AUTS2: variants seen among roughly 807,000 people sequenced by gnomAD.
AUTS2 encodes the protein activator of transcription and developmental regulator AUTS2, also known as autism susceptibility gene 2 protein.
Under a neutral mutation model 112.4 loss-of-function variants are expected in AUTS2, and 17 were observed. The ratio of observed to expected loss-of-function variants is 0.15; its 90% CI spans 0.10 to 0.23. AUTS2 has a LOEUF of 0.23. Among genes scored for constraint, AUTS2 ranks in the 10% least tolerant of loss-of-function variants. The pLI, the probability that AUTS2 is intolerant of heterozygous loss-of-function variation, is 1.00. For synonymous variants in AUTS2, 751 were observed against 702.7 expected (o/e 1.07, Z -1.09); for missense variants, 1,510 against 1,701.6 (o/e 0.89, Z 1.98).
intron 5 of AUTS2, among the ~76,000 whole-genome samples, chr7:70,594,903 A>ACCAG (rs1229886734): frequency 1.3e-5 from 2 of 152,180 alleles, no homozygotes; most frequent in African/African-American, 4.8e-5. Context: ...GGAGTTCAAG[A>ACCAG]CCAGCCTGAC....
chr7:70,719,027 G>C (rs907836713), intron 6 of AUTS2, among the ~76,000 whole-genome samples: 2 of 152,146 alleles, frequency 1.3e-5, no homozygotes, highest in African/African-American at 4.8e-5. Flanking sequence ...TGATGATACT[G>C]CCATTTATTG....
In AUTS2 at chr7:70,787,324, C is replaced by A; in HGVS notation, c.2424C>A (p.Pro808=). ...CTCCGTCGTTCCCGACCCCTCCGCC[C>A]TGGCTGAAGCCAGGGGAGCTGGAGC... The part of the protein sequence containing the change: ...RTPPSFPTPP[P]WLKPGELERS... The change falls in exon 18 of 19, where the codon CCC becomes CCA. Residue 808 remains proline, a synonymous_variant. Coordinates refer to ENST00000342771, the MANE Select transcript of AUTS2 (RefSeq NM_015570.4). 6.2e-7 allele frequency: 1 copy of A among 1,614,180 alleles called. No individual in the cohort carries two copies. The highest frequency in any genetic ancestry group is 8.5e-7 in the Non-Finnish European group (1 of 1,179,982).
intron 2 of AUTS2, among the ~76,000 whole-genome samples, chr7:70,056,102 C>G (rs538762909): frequency 6.6e-6 from 1 of 152,244 alleles, no homozygotes; most frequent in Admixed American, 6.5e-5. Context: ...ATTCTCCTGC[C>G]TCAGCCTCCC....
rs568051685 is a variant in AUTS2 at position 70,494,959 on chromosome 7, T to G, written c.690+59178T>G. On this transcript the variant is annotated intron_variant, in intron 5 of 18. Coordinates refer to ENST00000342771, the MANE Select transcript of AUTS2 (RefSeq NM_015570.4). ...TGTTGGCCTGTTTCCATGGTGACAC[T>G]GAAGAAAAGTAATTTTTTAAAGGAG... is the stretch of plus-strand genomic sequence containing the variant. 3.1e-4 allele frequency among the ~76,000 whole-genome samples: 47 copies of G among 152,294 alleles called. 2 individuals are homozygous for G. In the South Asian group the frequency reaches 7.5e-3, roughly 24 times the overall value.
chr7:70,087,797 T>G (rs1429924700), intron 2 of AUTS2, among the ~76,000 whole-genome samples: 3 of 152,216 alleles, frequency 2.0e-5, no homozygotes, highest in African/African-American at 7.2e-5. Context: ...TATATTATTG[T>G]TTCCTTAAAT....
rs1165347303 is a variant in AUTS2, at chr7:70,257,646, C to T, written c.660+123075C>T. On this transcript the variant is annotated intron_variant, in intron 4 of 18. Coordinates refer to ENST00000342771, the MANE Select transcript of AUTS2 (RefSeq NM_015570.4). Reference sequence around the variant, plus strand: ...AGTTTTTTTTTTTTTTTTGTAGAGACGGGGCCTCACTGTGTTACCCAGGCT... The same window carrying T: ...AGTTTTTTTTTTTTTTTTGTAGAGATGGGGCCTCACTGTGTTACCCAGGCT... Among the ~76,000 whole-genome samples, 6 of 143,126 alleles carry T rather than the reference C, an allele frequency of 4.2e-5. No homozygotes were observed. The East Asian group carries it at 1.0e-3, about 25-fold the overall frequency. The allele number at this position is 143,126 out of a possible 152,430, so 93.9% of individuals were successfully genotyped here.
chr7:70,233,408 G>A (rs1812160534), intron 4 of AUTS2, among the ~76,000 whole-genome samples: 1 of 152,162 alleles, frequency 6.6e-6, no homozygotes, highest in Non-Finnish European at 1.5e-5. Flanking sequence ...TATCTATACT[G>A]TGGTTTTTCT....
intron 5 of AUTS2, among the ~76,000 whole-genome samples, chr7:70,676,802 A>T (rs1223493806): frequency 1.3e-5 from 2 of 151,854 alleles, no homozygotes; most frequent in Non-Finnish European, 2.9e-5. Flanking sequence ...ACTTGAACCC[A>T]GGAGGTGGAG....
At chr7:70,706,793 A>G (rs1809762283) in intron 6 of AUTS2, among the ~76,000 whole-genome samples, 1 of 152,222 alleles carries the variant, frequency 6.6e-6, no homozygotes, top group Non-Finnish European at 1.5e-5. Flanking sequence ...AGTGATTTGC[A>G]AAGAATAATT....
At chr7:69,748,681 G>A (rs1243734751) in intron 1 of AUTS2, among the ~76,000 whole-genome samples, 3 of 152,106 alleles carry the variant, frequency 2.0e-5, no homozygotes, top group African/African-American at 7.2e-5. Context: ...TATGACAGTT[G>A]GGCTAAACAG....
intron 1 of AUTS2, among the ~76,000 whole-genome samples, chr7:69,614,674 G>A (rs1286571606): frequency 6.6e-6 from 1 of 151,864 alleles, no homozygotes; most frequent in Non-Finnish European, 1.5e-5. Flanking sequence ...GGTAGAAATG[G>A]GGTCTTGCAA....
chr7:69,840,952 G>C (rs1791952470), intron 1 of AUTS2, among the ~76,000 whole-genome samples: 1 of 152,156 alleles, frequency 6.6e-6, no homozygotes, highest in South Asian at 2.1e-4. Flanking sequence ...GCATGTTGGG[G>C]AACAGAATAA....
At chr7:70,498,017 A>G (rs892092522) in intron 5 of AUTS2, among the ~76,000 whole-genome samples, 1 of 152,236 alleles carries the variant, frequency 6.6e-6, no homozygotes, top group African/African-American at 2.4e-5. Context: ...TCAGATGGTG[A>G]TTAGTGCCAA....
intron 4 of AUTS2, among the ~76,000 whole-genome samples, chr7:70,194,083 G>T (rs749512798): frequency 1.3e-5 from 2 of 152,150 alleles, no homozygotes; most frequent in South Asian, 2.1e-4. Flanking sequence ...AAAGTGCTGC[G>T]TGTTAGTTTA....
chr7:70,100,917 C>T (rs935004989), intron 2 of AUTS2, among the ~76,000 whole-genome samples: 6 of 151,864 alleles, frequency 4.0e-5, no homozygotes, highest in South Asian at 2.1e-4. Flanking sequence ...TCCTTCTATC[C>T]CCCAGGCTGG....
chr7:70,504,442 C>T (rs1015541466), intron 5 of AUTS2, among the ~76,000 whole-genome samples: 2 of 150,890 alleles, frequency 1.3e-5, no homozygotes, highest in African/African-American at 4.8e-5. Context: ...AGGTGTCAAA[C>T]ATGACTAATG....
chr7:69,893,524 T>G (rs1329412962), intron 1 of AUTS2, among the ~76,000 whole-genome samples: 1 of 152,206 alleles, frequency 6.6e-6, no homozygotes, highest in African/African-American at 2.4e-5. Context: ...CACTTTTTTC[T>G]TTTTCTCCTG....
At chr7:69,645,074 A>ATT (rs1794964463) in intron 1 of AUTS2, among the ~76,000 whole-genome samples, 3 of 71,098 alleles carry the variant, frequency 4.2e-5, no homozygotes, top group Admixed American at 2.8e-4. Context: ...ACACCCAGTT[A>ATT]ATTTTTTTTT....
At chr7:70,284,033 C>T (rs768043699) in intron 4 of AUTS2, among the ~76,000 whole-genome samples, 2 of 152,068 alleles carry the variant, frequency 1.3e-5, no homozygotes, top group Non-Finnish European at 2.9e-5. Context: ...CTCTCTCACC[C>T]AAAATCATAT....
Sources: gnomAD v4.1 joint callset for allele counts (sites outside exome capture counted in the v4.1 genomes callset) on GRCh38, gnomAD v4.1.1 for gene constraint, MANE v1.5 for transcripts, NCBI Gene and HGNC (gene_info 2026-07-23, HGNC 2026-07-21) for gene names.